The following ADGRE2 variants were observed in gnomAD, a reference collection of about 807,000 sequenced individuals.
ADGRE2 encodes adhesion G protein-coupled receptor E2, also known as CD97 antigen.
Under a neutral mutation model 100.8 loss-of-function variants are expected in ADGRE2, and 83 were observed. That is an observed-to-expected ratio of 0.82 (90% CI 0.69 to 0.99). The LOEUF is 0.99. Ranked by LOEUF, ADGRE2 falls within the 50% of genes least tolerant of loss-of-function variation. ADGRE2 has a pLI of 0.00. For synonymous variants in ADGRE2, 355 were observed against 413.0 expected (o/e 0.86, Z 1.70); for missense variants, 814 against 1,035.7 (o/e 0.79, Z 2.94).
chr19:14,760,448 A>G (rs1393761944), intron 11 of ADGRE2, among the ~76,000 whole-genome samples: 1 of 152,220 alleles, frequency 6.6e-6, no homozygotes, highest in Non-Finnish European at 1.5e-5. Context: ...AGAATGATGC[A>G]GCTGCTTTGG....
rs192705124 is a variant in ADGRE2, at chr19:14,757,849, G to C, written c.1085-1504C>G. 1.9e-3 allele frequency among the ~76,000 whole-genome samples: 287 copies of C among 152,272 alleles called. 1 individual carries two copies. Among genetic ancestry groups the C allele is most frequent in the African/African-American group, 6.6e-3 (274 of 41,552 alleles). On this transcript the variant is annotated intron_variant, in intron 11 of 20. Transcript: ENST00000315576. The stretch of plus-strand genomic sequence containing the variant: ...GACAGAGTCTTGCTCTGTCATCCAG[G>C]CTGGAGTGTAGTGGCACAATCTCAG...
chr19:14,751,912 C>CACATATAT (rs1318216569), intron 15 of ADGRE2, among the ~76,000 whole-genome samples: 1 of 95,048 alleles, frequency 1.1e-5, no homozygotes, highest in Non-Finnish European at 2.0e-5. Context: ...CACACACACA[C>CACATATAT]ATATATATAT....
chr19:14,755,455 T>TA (rs962294900), intron 13 of ADGRE2, among the ~76,000 whole-genome samples, 199 bp downstream of exon 13: 55 of 150,946 alleles, frequency 3.6e-4, no homozygotes, highest in African/African-American at 9.5e-4. Context: ...TCTGTCTCAA[T>TA]AAAAAAAAGA....
rs2043485072 is a variant in ADGRE2, at chr19:14,755,856, A to T, written c.1214T>A (p.Val405Asp). The T allele has an allele frequency of 4.3e-6, 7 of 1,614,082 alleles. No individual in the cohort carries two copies. Among genetic ancestry groups the T allele is most frequent in the Non-Finnish European group, 5.9e-6 (7 of 1,180,034 alleles). The change falls in exon 13 of 21, where the codon GTC becomes GAC. Residue 405 changes from valine to aspartate, a missense_variant. Transcript: ENST00000315576. ...GDPGPSVVGL[V>D]SIPGMGKLLA... ...CAACTTGCCCATCCCTGGAATGGAG[A>T]CAAGGCCCACCACAGAAGGGCCTGC...
At chr19:14,738,529 C>A (rs1262318759) in intron 20 of ADGRE2, among the ~76,000 whole-genome samples, 2 of 152,022 alleles carry the variant, frequency 1.3e-5, no homozygotes, top group Non-Finnish European at 2.9e-5. Flanking sequence ...AGGCATGCAC[C>A]ACCATGCCTG....
chr19:14,764,689 G>T, intron 10 of ADGRE2, 79 bp from the exon 11 acceptor site: 1 of 1,413,482 alleles, frequency 7.1e-7, no homozygotes, highest in South Asian at 1.4e-5. Context: ...CAGCCCCAGG[G>T]AACAGATCCT....
Position 14,752,438 on chromosome 19 carries a change from A to C in ADGRE2, c.1679T>G (p.Leu560Arg). The change falls in exon 15 of 21, where the codon CTG becomes CGG. Residue 560 changes from leucine to arginine, a missense_variant. Physicochemically the swap from Leu to Arg is moderately radical, Grantham distance 102. Transcript: ENST00000315576. ...GCTGGTGTTCTGGATGGCTTTACAC[A>C]GGAGAAAAGTGAGGGCCGCCAGGAG... ...CLLLAALTFLLCKAIQNTSTS... is the reference protein window; with the variant it reads ...CLLLAALTFLRCKAIQNTSTS... 1 of 1,614,142 alleles carries C rather than the reference A, an allele frequency of 6.2e-7. No individual in the cohort carries two copies. The highest frequency in any genetic ancestry group is 8.5e-7 in the Non-Finnish European group (1 of 1,180,010).
At chr19:14,749,280 T>A (rs1020533200) in intron 16 of ADGRE2, among the ~76,000 whole-genome samples, 1 of 140,752 alleles carries the variant, frequency 7.1e-6, no homozygotes, top group Non-Finnish European at 1.5e-5. Flanking sequence ...AGCATATAAT[T>A]ATGCTTATAT....
Position 14,743,617 on chromosome 19 carries a change from T to A in ADGRE2, c.2351A>T (p.Gln784Leu). Residue 784 changes from glutamine (Q) to leucine (L), a missense_variant and splice_region_variant, in exon 19 of 21, where the codon CAG becomes CTG. Gln to Leu is a moderately radical substitution (Grantham distance 113). Around this residue, in one of 5 missense-constraint regions of ADGRE2, gnomAD observed 569 missense variants for 692.7 expected, o/e 0.82. Transcript: ENST00000315576. ...IFLVYCLLSQQVREQYGKWSK... is the reference protein window; with the variant it reads ...IFLVYCLLSQLVREQYGKWSK... ...TGGGTGGGAGCTGGGCAGTGGTACC[T>A]GCTGGCTGAGGAGGCAGTACACCAG... 1.2e-5 allele frequency: 20 copies of A among 1,614,118 alleles called. No homozygotes were observed. The highest frequency in any genetic ancestry group is 1.7e-5 in the Non-Finnish European group (20 of 1,180,000).
chr19:14,776,231 T>C (rs2044432046), intron 2 of ADGRE2, among the ~76,000 whole-genome samples: 1 of 150,824 alleles, frequency 6.6e-6, no homozygotes, highest in Non-Finnish European at 1.5e-5. Flanking sequence ...ATTAGGGAGA[T>C]AGAGAGACTG....
chr19:14,769,458 C>CA (rs920325396), intron 5 of ADGRE2, among the ~76,000 whole-genome samples: 18 of 151,396 alleles, frequency 1.2e-4, no homozygotes, highest in South Asian at 4.2e-4. Flanking sequence ...ACCAGGTAGA[C>CA]AAAAAAAACA....
At chr19:14,759,244 C>T (rs986913149) in intron 11 of ADGRE2, among the ~76,000 whole-genome samples, 2 of 152,064 alleles carry the variant, frequency 1.3e-5, no homozygotes, top group Non-Finnish European at 2.9e-5. Context: ...GCACAGCTGC[C>T]GGCATTCACC....
Position 14,752,443 on chromosome 19 carries a change from A to G in ADGRE2, c.1674T>C (p.Phe558=). The change falls in exon 15 of 21, where the codon TTT becomes TTC. Residue 558 remains phenylalanine, a synonymous_variant. Coordinates refer to ENST00000315576, the MANE Select transcript of ADGRE2 (RefSeq NM_013447.4). ...TGTTCTGGATGGCTTTACACAGGAG[A>G]AAAGTGAGGGCCGCCAGGAGGAGGC... The part of the protein sequence containing the change: ...LLCLLLAALT[F]LLCKAIQNTS... The G allele has an allele frequency of 1.2e-6, 2 of 1,614,004 alleles. No homozygotes were observed. The highest frequency in any genetic ancestry group is 1.7e-6 in the Non-Finnish European group (2 of 1,179,984).
chr19:14,763,493 A>G (rs766185682), intron 11 of ADGRE2, among the ~76,000 whole-genome samples: 1 of 151,918 alleles, frequency 6.6e-6, no homozygotes, highest in African/African-American at 2.4e-5. Context: ...TAAATTCTTC[A>G]TCATAATTAT....
chr19:14,759,126 T>C (rs1035138054), intron 11 of ADGRE2, among the ~76,000 whole-genome samples: 1 of 152,144 alleles, frequency 6.6e-6, no homozygotes, highest in Non-Finnish European at 1.5e-5. Context: ...TCTACCTGGC[T>C]GGCTCCACGT....
intron 14 of ADGRE2, among the ~76,000 whole-genome samples, chr19:14,754,550 C>T (rs1178397253): frequency 6.6e-6 from 1 of 151,962 alleles, no homozygotes. Context: ...AGGGATTCTG[C>T]GTGAGGAAAT....
rs2042680879 is a variant in ADGRE2, at chr19:14,732,520, G to A, written c.*3716C>T. 6.6e-6 allele frequency: 1 copy of A among 152,158 alleles called. No homozygotes were observed. The highest frequency in any genetic ancestry group is 6.5e-5 in the Admixed American group (1 of 15,268). The allele number at this position is 152,158 out of a possible 1,614,324, so 9.4% of individuals were successfully genotyped here. The stretch of plus-strand genomic sequence containing the variant: ...GTGATGAATGGATGAATAAATTAGT[G>A]TAGAGTGAAGTGCTTCCATGAACCT... On this transcript the variant is annotated 3_prime_UTR_variant, in exon 21 of 21. Coordinates refer to ENST00000315576, the MANE Select transcript of ADGRE2 (RefSeq NM_013447.4).
rs753789775 is a variant in ADGRE2, at chr19:14,755,649, C to T, written c.1416+5G>A. On this transcript the variant is annotated splice_donor_5th_base_variant and intron_variant, in intron 13 of 20. Transcript: ENST00000315576. Reference sequence around the variant, plus strand: ...CACCCACCAACCAACTCCACCAGCACTCACACGGTGGGAGAAGGTGAAGGT... The same window carrying T: ...CACCCACCAACCAACTCCACCAGCATTCACACGGTGGGAGAAGGTGAAGGT... 1 of 1,613,422 alleles carries T rather than the reference C, an allele frequency of 6.2e-7. No individual in the cohort carries two copies. Among genetic ancestry groups the T allele is most frequent in the South Asian group, 1.1e-5 (1 of 91,056 alleles).
the ADGRE2 span, among the ~76,000 whole-genome samples, chr19:14,725,175 A>C: frequency 6.6e-6 from 1 of 152,108 alleles, no homozygotes; most frequent in Non-Finnish European, 1.5e-5. Context: ...GGGAGATTGC[A>C]TGCTCTTTTA....
Sources: allele counts gnomAD v4.1 joint callset (sites outside exome capture counted in the v4.1 genomes callset), GRCh38; gene constraint gnomAD v4.1.1; regional missense constraint gnomAD v4.1.1; transcripts MANE v1.5; gene names NCBI Gene and HGNC (gene_info 2026-07-23, HGNC 2026-07-21).